The following ADAM32 variants were observed in gnomAD, a reference collection of about 807,000 sequenced individuals.
ADAM32 encodes the protein disintegrin and metalloproteinase domain-containing protein 32.
In ADAM32, 89 loss-of-function variants were observed where a neutral mutation model predicts 114.9. The observed-to-expected ratio is 0.77, with a 90% CI of 0.65 to 0.92. The LOEUF (loss-of-function observed/expected upper bound fraction) is 0.92, where lower values mean the gene tolerates loss of function less well. Ranked by LOEUF, ADAM32 falls within the 40% of genes least tolerant of loss-of-function variation. The pLI, the probability that ADAM32 is intolerant of heterozygous loss-of-function variation, is 0.00. For synonymous variants in ADAM32, 285 were observed against 307.5 expected (o/e 0.93, Z 0.77); for missense variants, 870 against 932.8 (o/e 0.93, Z 0.88).
chr8:39,216,641 G>A (rs1176535214), intron 12 of ADAM32, among the ~76,000 whole-genome samples: 1 of 151,904 alleles, frequency 6.6e-6, no homozygotes, highest in Non-Finnish European at 1.5e-5. Context: ...GTTAGCATGA[G>A]ACTAGCAAAT....
At chr8:39,219,987 A>T (rs1489744044) in intron 12 of ADAM32, among the ~76,000 whole-genome samples, 1 of 152,118 alleles carries the variant, frequency 6.6e-6, no homozygotes, top group African/African-American at 2.4e-5. Context: ...GTTAAATTAC[A>T]TTCAGAATTT....
At chr8:39,206,831 G>A (rs1450095011) in intron 11 of ADAM32, among the ~76,000 whole-genome samples, 1 of 152,108 alleles carries the variant, frequency 6.6e-6, no homozygotes, top group East Asian at 1.9e-4. Flanking sequence ...TTGGGATTCA[G>A]TTCAGGATCT....
rs1803824795 is a variant in ADAM32 at position 39,151,526 on chromosome 8, A to T, written c.503A>T (p.Asp168Val). 1 of 1,575,062 alleles carries T rather than the reference A, an allele frequency of 6.3e-7. No individual in the cohort carries two copies. Among genetic ancestry groups the T allele is most frequent in the Non-Finnish European group, 8.6e-7 (1 of 1,166,046 alleles). ...AGCCTGAAAGAACAACCAATGGATG[A>T]CAACATTTTTATAAGTGAAAAAGTG... Reference protein sequence around the residue: ...DRSLKEQPMDDNIFISEKSEP... With the variant: ...DRSLKEQPMDVNIFISEKSEP... Residue 168 changes from aspartate to valine, a missense_variant, in exon 6 of 25, where the codon GAC (aspartate) becomes GTC (valine). Asp to Val is a radical substitution (Grantham distance 152, BLOSUM62 -3). Coordinates refer to ENST00000379907, the MANE Select transcript of ADAM32 (RefSeq NM_145004.7).
At chr8:39,248,494 G>C (rs531866574) in intron 17 of ADAM32, among the ~76,000 whole-genome samples, 1 of 152,026 alleles carries the variant, frequency 6.6e-6, no homozygotes, top group African/African-American at 2.4e-5. Flanking sequence ...TCATTTGTTC[G>C]TTGCTGGTGT....
At chr8:39,192,262 T>C (rs1330278704) in intron 11 of ADAM32, among the ~76,000 whole-genome samples, 2 of 152,230 alleles carry the variant, frequency 1.3e-5, no homozygotes, top group Admixed American at 1.3e-4. Flanking sequence ...CCTTTACCAT[T>C]ATGTAATGCC....
intron 17 of ADAM32, among the ~76,000 whole-genome samples, chr8:39,251,285 C>G (rs958217504): frequency 1.1e-4 from 16 of 151,710 alleles, no homozygotes; most frequent in African/African-American, 3.9e-4. Context: ...ATTTACATTC[C>G]CACCTATAGT....
chr8:39,203,766 G>A (rs1331765781), intron 11 of ADAM32, among the ~76,000 whole-genome samples: 2 of 152,262 alleles, frequency 1.3e-5, no homozygotes, highest in South Asian at 2.1e-4. Flanking sequence ...GCAGTGGCTG[G>A]TACTGATTGT....
intron 6 of ADAM32, among the ~76,000 whole-genome samples, chr8:39,154,748 G>A (rs1804036213): frequency 1.3e-5 from 2 of 151,994 alleles, no homozygotes; most frequent in Admixed American, 6.6e-5. Context: ...GGCATGAGAT[G>A]GTATCTCATT....
chr8:39,206,136 C>A (rs1229346096), intron 11 of ADAM32, among the ~76,000 whole-genome samples: 2 of 152,198 alleles, frequency 1.3e-5, no homozygotes, highest in African/African-American at 4.8e-5. Flanking sequence ...CATAGGATTT[C>A]TTTGTCTGTT....
chr8:39,140,858 A>T (rs1438953303), intron 3 of ADAM32, among the ~76,000 whole-genome samples: 1 of 152,148 alleles, frequency 6.6e-6, no homozygotes, highest in Non-Finnish European at 1.5e-5. Context: ...CAGAGATTCA[A>T]CTTCTTCCTG....
Position 39,267,235 on chromosome 8 carries a change from G to A in ADAM32, c.2163-3641G>A, listed in dbSNP as rs554561902. 3.3e-5 allele frequency among the ~76,000 whole-genome samples: 5 copies of A among 152,308 alleles called. No individual in the cohort carries two copies. In the East Asian group the frequency reaches 7.7e-4, roughly 24 times the overall value. ...GGGGGTGGAGAGAGGCTGTGCTGGT[G>A]GGGAAAGGCTGCAGGCTGGTATCCC... On this transcript the variant is annotated intron_variant, in intron 19 of 24. Coordinates refer to ENST00000379907, the MANE Select transcript of ADAM32 (RefSeq NM_145004.7).
Position 39,187,048 on chromosome 8 carries a change from A to G in ADAM32, c.1052+3A>G. On this transcript the variant is annotated splice_donor_region_variant and intron_variant, in intron 11 of 24. Transcript: ENST00000379907. ...TGTATAATGAATCCAGAAGTTGTGT[A>G]AGTTTTAACAATTTATTTATTGCTT... 6.3e-7 allele frequency: 1 copy of G among 1,594,686 alleles called. No individual in the cohort carries two copies. The highest frequency in any genetic ancestry group is 2.2e-5 in the East Asian group (1 of 44,722).
At chr8:39,258,244 A>G (rs1308061618) in intron 19 of ADAM32, among the ~76,000 whole-genome samples, 2 of 151,006 alleles carry the variant, frequency 1.3e-5, no homozygotes, top group African/African-American at 4.9e-5. Context: ...TGTTTTTTAT[A>G]TCAAGTTTTG....
At chr8:39,188,363 GTCTA>G (rs946779398) in intron 11 of ADAM32, among the ~76,000 whole-genome samples, 35 of 102,358 alleles carry the variant, frequency 3.4e-4, no homozygotes, top group African/African-American at 1.1e-3. Flanking sequence ...AATGGAATCT[GTCTA>G]TCTATCTGTC....
At chr8:39,169,810 G>T (rs1805078724) in intron 9 of ADAM32, 106 bp from the exon 10 acceptor site, 3 of 732,700 alleles carry the variant, frequency 4.1e-6, no homozygotes, top group African/African-American at 3.5e-5. Flanking sequence ...ACCTCAATTT[G>T]CTTCAGATTT....
chr8:39,153,832 T>G (rs917322904), intron 6 of ADAM32, among the ~76,000 whole-genome samples: 2 of 152,176 alleles, frequency 1.3e-5, no homozygotes, highest in African/African-American at 4.8e-5. Flanking sequence ...TTCACATACT[T>G]ATTTTACAAT....
chr8:39,240,715 T>C (rs549550349), intron 16 of ADAM32, among the ~76,000 whole-genome samples: 1 of 152,164 alleles, frequency 6.6e-6, no homozygotes, highest in Non-Finnish European at 1.5e-5. Context: ...CATCAGATCT[T>C]GTGAGACTTA....
chr8:39,229,927 A>T (rs141642450), intron 14 of ADAM32, among the ~76,000 whole-genome samples: 247 of 152,314 alleles, frequency 1.6e-3, no homozygotes, highest in African/African-American at 5.7e-3. Context: ...TCACTCCAGG[A>T]TAGACCCAAA....
At chr8:39,185,807 ATAAT>A (rs1207656929) in intron 10 of ADAM32, among the ~76,000 whole-genome samples, 1 of 152,166 alleles carries the variant, frequency 6.6e-6, no homozygotes, top group Non-Finnish European at 1.5e-5. Context: ...GACCATGTTG[ATAAT>A]TAATTCTTGA....
Sources: gnomAD v4.1 joint callset for allele counts (sites outside exome capture counted in the v4.1 genomes callset) on GRCh38, gnomAD v4.1.1 for gene constraint, MANE v1.5 for transcripts, NCBI Gene and HGNC (gene_info 2026-07-23, HGNC 2026-07-21) for gene names.